The following WDR7 variants were observed in gnomAD, a reference collection of about 807,000 sequenced individuals.
The protein encoded by WDR7 is WD repeat domain 7, also known as WD repeat-containing protein 7.
A neutral mutation model predicts 169.4 loss-of-function variants in WDR7; 46 were observed. The ratio of observed to expected loss-of-function variants is 0.27; its 90% CI spans 0.21 to 0.35. WDR7 has a LOEUF of 0.35. WDR7 is among the 10% of genes least tolerant of loss of function. WDR7 has a pLI of 1.00. For missense variants in WDR7, 1,534 were observed against 1,859.3 expected (o/e 0.83, Z 3.22); for synonymous variants, 612 against 666.8 (o/e 0.92, Z 1.27).
intron 12 of WDR7, among the ~76,000 whole-genome samples, chr18:56,710,488 A>G (rs1053817059): frequency 2.0e-5 from 3 of 152,164 alleles, no homozygotes; most frequent in Non-Finnish European, 4.4e-5. Flanking sequence ...TGAGCATACC[A>G]TATTTACTTA....
intron 20 of WDR7, among the ~76,000 whole-genome samples, chr18:56,855,067 G>A (rs1298544757): frequency 6.6e-6 from 1 of 152,126 alleles, no homozygotes; most frequent in Non-Finnish European, 1.5e-5. Flanking sequence ...TATGAGAGAT[G>A]CTATTGATCT....
intron 14 of WDR7, among the ~76,000 whole-genome samples, chr18:56,738,736 TA>T (rs2026756714): frequency 6.7e-6 from 1 of 149,738 alleles, no homozygotes; most frequent in Non-Finnish European, 1.5e-5. Context: ...TGATTTGGCA[TA>T]TTAAAATATG....
At chr18:56,729,998 G>A (rs1421939707) in intron 13 of WDR7, among the ~76,000 whole-genome samples, 2 of 151,942 alleles carry the variant, frequency 1.3e-5, no homozygotes, top group East Asian at 3.8e-4. Context: ...TTTCTTGATT[G>A]TTCATATTCT....
chr18:57,021,923 TTAAG>T (rs1293610279), intron 27 of WDR7, among the ~76,000 whole-genome samples: 1 of 152,248 alleles, frequency 6.6e-6, no homozygotes, highest in Non-Finnish European at 1.5e-5. Flanking sequence ...AATAAATTAC[TTAAG>T]TAACAACGTG....
intron 20 of WDR7, among the ~76,000 whole-genome samples, chr18:56,844,394 A>ATT (rs1421794763): frequency 6.6e-6 from 1 of 152,118 alleles, no homozygotes; most frequent in Non-Finnish European, 1.5e-5. Flanking sequence ...TTGGTATACA[A>ATT]TTTCTCAACT....
intron 1 of WDR7, among the ~76,000 whole-genome samples, chr18:56,656,533 G>T (rs1259171404): frequency 6.6e-6 from 1 of 151,296 alleles, no homozygotes; most frequent in African/African-American, 2.4e-5. Context: ...GCCCGCCTCA[G>T]CCTCCCAAAG....
intron 21 of WDR7, among the ~76,000 whole-genome samples, chr18:56,904,346 AG>A (rs1427654677): frequency 4.6e-5 from 7 of 152,212 alleles, no homozygotes; most frequent in Non-Finnish European, 7.3e-5. Context: ...CTGGGATTAC[AG>A]GTGTGAGCTA....
At chr18:56,974,737 ATATC>A (rs543386938) in intron 26 of WDR7, among the ~76,000 whole-genome samples, 181 of 152,352 alleles carry the variant, frequency 1.2e-3, no homozygotes, top group African/African-American at 3.7e-3. Flanking sequence ...TCAGCATATG[ATATC>A]TAGAAGTATT....
chr18:56,855,220 C>G lies in WDR7; in HGVS notation c.3305-24724C>G, dbSNP rs552975902. The stretch of plus-strand genomic sequence containing the variant: ...TTTCCTATTCTGTGAAATGCCTGTT[C>G]AAGTCTTTTGCCTGTTTTTTTTTCC... On this transcript the variant is annotated intron_variant, in intron 20 of 27. Transcript: ENST00000254442. Among the ~76,000 whole-genome samples the G allele has an allele frequency of 8.5e-5, 11 of 130,170 alleles. No individual in the cohort carries two copies. The East Asian group carries it at 2.2e-3, about 26-fold the overall frequency. The allele number at this position is 130,170 out of a possible 152,430, so 85.4% of individuals were successfully genotyped here. A position where few individuals can be genotyped will look rare whatever the true frequency, so the allele number is the denominator to read the frequency against.
intron 21 of WDR7, among the ~76,000 whole-genome samples, chr18:56,919,435 T>G (rs2046677590): frequency 6.6e-6 from 1 of 152,184 alleles, no homozygotes; most frequent in Non-Finnish European, 1.5e-5. Context: ...TATTGTTATC[T>G]GTTGCATCAG....
At chr18:56,802,420 T>C (rs8095849) in intron 19 of WDR7, among the ~76,000 whole-genome samples, 130,708 of 151,884 alleles carry the variant, frequency 0.86, 56,387 homozygotes, top group East Asian at 0.98. Flanking sequence ...TGCAGTGGCA[T>C]GATCTCGACT....
At chr18:56,769,219 CTT>C (rs751577805) in intron 16 of WDR7, among the ~76,000 whole-genome samples, 2 of 142,694 alleles carry the variant, frequency 1.4e-5, no homozygotes. Flanking sequence ...GGCTTTTCTG[CTT>C]TTTTTTTTTT....
chr18:56,960,751 G>A (rs1289524838), intron 25 of WDR7, among the ~76,000 whole-genome samples: 2 of 152,068 alleles, frequency 1.3e-5, no homozygotes, highest in Non-Finnish European at 2.9e-5. Flanking sequence ...TTTGAATGCT[G>A]ATTCCCACTC....
At chr18:56,676,223 T>C (rs182072272) in intron 2 of WDR7, among the ~76,000 whole-genome samples, 1 of 152,314 alleles carries the variant, frequency 6.6e-6, no homozygotes, top group African/African-American at 2.4e-5. Context: ...GCATGGAATA[T>C]CTTTTTTCAT....
intron 26 of WDR7, among the ~76,000 whole-genome samples, chr18:56,973,600 A>C (rs2047523420): frequency 6.6e-6 from 1 of 152,088 alleles, no homozygotes; most frequent in African/African-American, 2.4e-5. Context: ...CGTATTCTTC[A>C]TATCCACTCT....
At chr18:56,918,180 G>A (rs2046654730) in intron 21 of WDR7, among the ~76,000 whole-genome samples, 1 of 152,182 alleles carries the variant, frequency 6.6e-6, no homozygotes, top group Non-Finnish European at 1.5e-5. Flanking sequence ...AGCTGCTGCA[G>A]TATCTGTACT....
chr18:56,896,854 T>G (rs2046339051), intron 21 of WDR7, among the ~76,000 whole-genome samples: 1 of 151,642 alleles, frequency 6.6e-6, no homozygotes, highest in Admixed American at 6.6e-5. Flanking sequence ...AAACTTTTCT[T>G]CATCAAAAAT....
intron 19 of WDR7, among the ~76,000 whole-genome samples, chr18:56,810,434 AAT>A (rs1360301100): frequency 6.6e-6 from 1 of 152,086 alleles, no homozygotes; most frequent in African/African-American, 2.4e-5. Flanking sequence ...TAAAAAATGA[AAT>A]ATATATATAA....
chr18:56,982,472 A>C (rs1268636551), intron 26 of WDR7, among the ~76,000 whole-genome samples: 1 of 152,150 alleles, frequency 6.6e-6, no homozygotes, highest in Non-Finnish European at 1.5e-5. Flanking sequence ...TCATCAAGGA[A>C]AATTTTCGTC....
Sources: gnomAD v4.1 joint callset for allele counts (sites outside exome capture counted in the v4.1 genomes callset) on GRCh38, gnomAD v4.1.1 for gene constraint, MANE v1.5 for transcripts, NCBI Gene and HGNC (gene_info 2026-07-23, HGNC 2026-07-21) for gene names.